GRIA3: variants seen among roughly 807,000 people sequenced by gnomAD.
The protein encoded by GRIA3 is glutamate ionotropic receptor AMPA type subunit 3.
A neutral mutation model predicts 63.0 loss-of-function variants in GRIA3; 3 were observed. The ratio of observed to expected loss-of-function variants is 0.05; its 90% CI spans 0.02 to 0.12. The LOEUF (loss-of-function observed/expected upper bound fraction) is 0.12. Ranked by LOEUF, GRIA3 falls within the 10% of genes least tolerant of loss-of-function variation. GRIA3 has a pLI of 1.00. For missense variants in GRIA3, 347 were observed against 700.9 expected (o/e 0.50, Z 5.70); for synonymous variants, 274 against 257.9 (o/e 1.06, Z -0.60).
intron 13 of GRIA3, among the ~76,000 whole-genome samples, chrX:123,466,861 G>A (rs1003356390): frequency 4.4e-5 from 5 of 112,532 alleles, no homozygotes; most frequent in Admixed American, 9.4e-5. Flanking sequence ...AGAGACAATG[G>A]TTGCACTTCT....
At chrX:123,384,064 C>T (rs187164671) in intron 5 of GRIA3, among the ~76,000 whole-genome samples, 50 of 112,302 alleles carry the variant, frequency 4.5e-4, no homozygotes, top group African/African-American at 1.5e-3. Context: ...CATAGTATTC[C>T]ATGGTGTATA....
chrX:123,484,835 A>G (rs73544012), intron 15 of GRIA3, among the ~76,000 whole-genome samples: 6,832 of 112,412 alleles, frequency 0.061, 497 homozygotes, highest in African/African-American at 0.21. Context: ...ACATTTAGCC[A>G]ATTTTTAAAT....
intron 5 of GRIA3, among the ~76,000 whole-genome samples, chrX:123,360,909 A>T (rs2045170362): frequency 1.1e-5 from 1 of 93,451 alleles, no homozygotes. Flanking sequence ...ACACATTTTC[A>T]TTCCCCTTTT....
intron 2 of GRIA3, among the ~76,000 whole-genome samples, chrX:123,247,231 G>C (rs1416783077): frequency 8.9e-6 from 1 of 112,522 alleles, no homozygotes. Context: ...GGTATGAAAA[G>C]TGTTCTGTAA....
intron 2 of GRIA3, among the ~76,000 whole-genome samples, chrX:123,252,542 G>T (rs1290669277): frequency 8.9e-6 from 1 of 112,006 alleles, no homozygotes; most frequent in Non-Finnish European, 1.9e-5. Context: ...AGAGAGAAGA[G>T]GCAGCAATGT....
At chrX:123,203,072 G>T (rs1927788910) in intron 2 of GRIA3, among the ~76,000 whole-genome samples, 1 of 112,017 alleles carries the variant, frequency 8.9e-6, no homozygotes, top group Non-Finnish European at 1.9e-5. Context: ...GCTGTTTGGG[G>T]ACATGTTAAA....
chrX:123,370,466 A>G (rs1428313987), intron 5 of GRIA3, among the ~76,000 whole-genome samples: 1 of 111,882 alleles, frequency 8.9e-6, no homozygotes, highest in Non-Finnish European at 1.9e-5. Flanking sequence ...AGAGTAAGCC[A>G]ACTTCTGCCC....
intron 2 of GRIA3, among the ~76,000 whole-genome samples, chrX:123,238,317 T>A (rs998394494): frequency 1.2e-4 from 13 of 110,043 alleles, no homozygotes; most frequent in African/African-American, 4.3e-4. Context: ...TGGGGATGAG[T>A]TCAGATGGAG....
intron 4 of GRIA3, among the ~76,000 whole-genome samples, chrX:123,329,218 C>T (rs1306277195): frequency 8.9e-6 from 1 of 111,877 alleles, no homozygotes; most frequent in Admixed American, 9.5e-5. Context: ...GTAGAAGAGC[C>T]TGTTACACCA....
intron 3 of GRIA3, among the ~76,000 whole-genome samples, chrX:123,265,406 T>C (rs952849527): frequency 1.4e-4 from 16 of 112,266 alleles, no homozygotes; most frequent in Admixed American, 9.4e-5. Context: ...ATATCTATTA[T>C]ATACTGTATT....
intron 4 of GRIA3, among the ~76,000 whole-genome samples, chrX:123,333,715 G>T (rs1471679068): frequency 1.8e-5 from 2 of 111,152 alleles, no homozygotes; most frequent in Admixed American, 9.6e-5. Flanking sequence ...CTTCTCCCAA[G>T]TGCATATTAA....
chrX:123,292,459 C>G (rs1309141073), intron 3 of GRIA3, among the ~76,000 whole-genome samples: 1 of 110,735 alleles, frequency 9.0e-6, no homozygotes. Context: ...GTACAAAGGA[C>G]TTCTTCTAAC....
At chrX:123,268,984 G>A (rs775090529) in intron 3 of GRIA3, among the ~76,000 whole-genome samples, 6 of 112,032 alleles carry the variant, frequency 5.4e-5, no homozygotes, top group Non-Finnish European at 7.5e-5. Flanking sequence ...ATTAAGATGC[G>A]GGAGGAAAGC....
At chrX:123,411,471 C>T (rs1023406460) in intron 10 of GRIA3, among the ~76,000 whole-genome samples, 11 of 111,825 alleles carry the variant, frequency 9.8e-5, no homozygotes, top group Non-Finnish European at 1.9e-4. Context: ...ATTAAAATTA[C>T]GTTTAAAGTC....
intron 3 of GRIA3, among the ~76,000 whole-genome samples, chrX:123,313,198 G>A (rs1364397905): frequency 9.0e-6 from 1 of 111,385 alleles, no homozygotes; most frequent in Non-Finnish European, 1.9e-5. Context: ...GTTTTACGTG[G>A]GTTTCTTTAG....
At position 123,411,376 on chromosome X, in the gene GRIA3, G is replaced by A. The variant is rs1032495199; in HGVS notation, c.1501-6026G>A. Reference sequence around the variant, plus strand: ...GTGTCTGACAAGCTCCTGCTCATTCGTAGTCTCATGGTGGGTTACAAGTTT... The same window carrying A: ...GTGTCTGACAAGCTCCTGCTCATTCATAGTCTCATGGTGGGTTACAAGTTT... On this transcript the variant is annotated intron_variant, in intron 10 of 15. Transcript: ENST00000620443. 4.6e-4 allele frequency among the ~76,000 whole-genome samples: 51 copies of A among 111,789 alleles called. 1 individual carries two copies. The highest frequency in any genetic ancestry group is 3.8e-4 in the South Asian group (1 of 2,657).
intron 3 of GRIA3, among the ~76,000 whole-genome samples, chrX:123,321,903 G>C (rs1196646281): frequency 8.9e-6 from 1 of 111,739 alleles, no homozygotes; most frequent in Non-Finnish European, 1.9e-5. Context: ...CCTTCCGGGA[G>C]CTCTGAAGCT....
chrX:123,370,999 T>G (rs994812824), intron 5 of GRIA3, among the ~76,000 whole-genome samples: 2 of 110,464 alleles, frequency 1.8e-5, no homozygotes, highest in Admixed American at 2.0e-4. Flanking sequence ...TTCTAACTTT[T>G]TTTTTATTAA....
intron 3 of GRIA3, among the ~76,000 whole-genome samples, chrX:123,319,192 C>G (rs1412824134): frequency 8.9e-6 from 1 of 111,824 alleles, no homozygotes; most frequent in Non-Finnish European, 1.9e-5. Flanking sequence ...TACAGCCAAA[C>G]CATATCACCT....
Sources: allele counts gnomAD v4.1 joint callset (sites outside exome capture counted in the v4.1 genomes callset), GRCh38; gene constraint gnomAD v4.1.1; transcripts MANE v1.5; gene names NCBI Gene and HGNC (gene_info 2026-07-23, HGNC 2026-07-21).